The following OPRM1 variants were observed in gnomAD, a reference collection of about 807,000 sequenced individuals.
OPRM1 encodes the protein opioid receptor mu 1.
OPRM1 carries 27 observed loss-of-function variants against 31.8 expected under a neutral mutation model. The ratio of observed to expected loss-of-function variants is 0.85; its 90% CI spans 0.63 to 1.17. The LOEUF (loss-of-function observed/expected upper bound fraction) is 1.17. Ranked by LOEUF, OPRM1 falls within the 50% of genes most tolerant of loss-of-function variation. The probability of loss-of-function intolerance (pLI) is 0.00; values close to 1 mark genes in which losing one functional copy is unlikely to be tolerated. For missense variants in OPRM1, 536 were observed against 511.1 expected, an observed-to-expected ratio of 1.05 and a Z score of -0.47; for synonymous variants, 196 against 189.9, an observed-to-expected ratio of 1.03 and a Z score of -0.26.
rs1794491674 is a variant in OPRM1 at position 154,100,121 on chromosome 6, CATATTATGACATATAAT to C, written c.1164+8654_1164+8670del. On this transcript the variant is annotated intron_variant, in intron 3 of 3. Transcript: ENST00000330432. ...TTATGATATATATATTATATATTAT[CATATTATGACATATAAT>C]ATATATTATCATATTATGACGTATC... Among the ~76,000 whole-genome samples the C allele has an allele frequency of 2.5e-5, 2 of 79,028 alleles. 1 individual carries two copies. The highest frequency in any genetic ancestry group is 1.2e-4 in the African/African-American group (2 of 16,630). 51.8% of individuals were successfully genotyped at this position (79,028 alleles called of 152,430 possible). A position where few individuals can be genotyped will look rare whatever the true frequency, so the allele number is the denominator to read the frequency against.
Position 154,068,910 on chromosome 6 carries a change from A to G in OPRM1, c.291-20916A>G, listed in dbSNP as rs558246839. ...TGTAATCATCATTCCAACAGGTACAAGCTGATATCTCATTGTAGTTTTGAC... is the reference window on the plus strand; with the variant it reads ...TGTAATCATCATTCCAACAGGTACAGGCTGATATCTCATTGTAGTTTTGAC... On this transcript the variant is annotated intron_variant, in intron 1 of 3. Transcript: ENST00000330432. Among the ~76,000 whole-genome samples the G allele has an allele frequency of 4.6e-5, 7 of 152,330 alleles. No individual in the cohort carries two copies. The East Asian group carries it at 1.4e-3, about 29-fold the overall frequency.
chr6:154,164,126 T>G (rs1799240697), intron 3 of OPRM1, among the ~76,000 whole-genome samples: 1 of 152,222 alleles, frequency 6.6e-6, no homozygotes, highest in South Asian at 2.1e-4. Context: ...TAAAGAAATT[T>G]AGACATCTAC....
rs773636332 is a variant in OPRM1, at chr6:154,212,737, G to C, written c.1165-33956G>C. Reference sequence around the variant, plus strand: ...AGAAATGACATCCACATGTCTGATCGATGACCAACAGACTACTTATGTCGG... The same window carrying C: ...AGAAATGACATCCACATGTCTGATCCATGACCAACAGACTACTTATGTCGG... On this transcript the variant is annotated intron_variant, in intron 3 of 3. Transcript: ENST00000337049. 13 of 1,414,952 alleles carry C rather than the reference G, an allele frequency of 9.2e-6. No individual in the cohort carries two copies. The Admixed American group carries it at 1.9e-4, about 20-fold the overall frequency. The allele number at this position is 1,414,952 out of a possible 1,614,324, so 87.6% of individuals were successfully genotyped here.
At chr6:154,057,288 AGT>A (rs552150726) in intron 1 of OPRM1, among the ~76,000 whole-genome samples, 1 of 152,234 alleles carries the variant, frequency 6.6e-6, no homozygotes, top group Non-Finnish European at 1.5e-5. Flanking sequence ...TTCAGATATC[AGT>A]GAGCAAAATA....
rs191113559 is a variant in OPRM1, at chr6:154,124,378, G to T, written c.*5657G>T. Among the ~76,000 whole-genome samples, 1 of 152,204 alleles carries T rather than the reference G, an allele frequency of 6.6e-6. No individual in the cohort carries two copies. Reference sequence around the variant, plus strand: ...TTAATATACTTTTTCAACTCACTTTGCATTTCCTGTTACCTTGTACTGAGA... The same window carrying T: ...TTAATATACTTTTTCAACTCACTTTTCATTTCCTGTTACCTTGTACTGAGA... On this transcript the variant is annotated 3_prime_UTR_variant, in exon 4 of 4. Coordinates refer to ENST00000330432, the MANE Select transcript of OPRM1 (RefSeq NM_000914.5).
chr6:154,081,607 C>T (rs369909919), intron 1 of OPRM1, among the ~76,000 whole-genome samples: 1 of 152,152 alleles, frequency 6.6e-6, no homozygotes, highest in East Asian at 1.9e-4. Flanking sequence ...TTCACTATAA[C>T]GAGAAAATGT....
intron 3 of OPRM1, chr6:154,093,338 A>G (rs1302947247): frequency 1.2e-6 from 2 of 1,614,028 alleles, no homozygotes; most frequent in Non-Finnish European, 1.7e-6. Context: ...ACCCTGGACC[A>G]CTGCAAGGAC....
At chr6:154,145,655 A>C (rs1391602560) in intron 3 of OPRM1, among the ~76,000 whole-genome samples, 2 of 152,262 alleles carry the variant, frequency 1.3e-5, no homozygotes, top group Non-Finnish European at 2.9e-5. Context: ...ATGAAAGGGC[A>C]AGGAACTAAA....
rs1034629882 is a variant in OPRM1, at chr6:154,131,750, CT to C, written c.*13032del. On this transcript the variant is annotated 3_prime_UTR_variant, in exon 4 of 4. Coordinates refer to ENST00000330432, the MANE Select transcript of OPRM1 (RefSeq NM_000914.5). ...CAGTTGTAACAGTGAGCACAACATG[CT>C]TTCTGTGTGTGTTTTTAAGCTCTTT... Among the ~76,000 whole-genome samples the C allele has an allele frequency of 1.7e-4, 26 of 151,914 alleles. 1 individual carries two copies. The highest frequency in any genetic ancestry group is 1.2e-3 in the Admixed American group (19 of 15,266).
At chr6:154,086,421 C>A in intron 1 of OPRM1, 1 of 251,220 alleles carries the variant, frequency 4.0e-6, no homozygotes, top group African/African-American at 2.3e-5. Context: ...GATAAATATT[C>A]ACTTTTTTTT....
In OPRM1 at chr6:154,092,814, C is replaced by G. The variant is rs17181262; in HGVS notation, c.1164+1342C>G. Among the ~76,000 whole-genome samples the G allele has an allele frequency of 9.1e-3, 1,390 of 152,274 alleles. 27 individuals carry two copies. Among genetic ancestry groups the G allele is most frequent in the African/African-American group, 0.032 (1,328 of 41,542 alleles). On this transcript the variant is annotated intron_variant, in intron 3 of 3. Transcript: ENST00000330432. ...CAAGGGAACACAGGAACTCACACCCCCTAGAGAGCATGAGGTAATGATGGC... is the reference window on the plus strand; with the variant it reads ...CAAGGGAACACAGGAACTCACACCCGCTAGAGAGCATGAGGTAATGATGGC...
intron 3 of OPRM1, among the ~76,000 whole-genome samples, chr6:154,109,597 C>T (rs1341343504): frequency 1.3e-5 from 2 of 152,152 alleles, no homozygotes; most frequent in South Asian, 2.1e-4. Context: ...AGTTTTCACA[C>T]GCTCTACCAG....
chr6:154,040,463 C>T (rs879647971), intron 1 of OPRM1, among the ~76,000 whole-genome samples: 1 of 152,172 alleles, frequency 6.6e-6, no homozygotes, highest in Non-Finnish European at 1.5e-5. Flanking sequence ...AGGAAGTTTT[C>T]CTAGCATCTC....
At chr6:154,110,572 G>C in intron 3 of OPRM1, 1 of 586,206 alleles carries the variant, frequency 1.7e-6, no homozygotes, top group Non-Finnish European at 3.1e-6. Flanking sequence ...AGGAGTTTCC[G>C]AGCTCTTTTG....
At chr6:154,174,377 CA>C (rs1207390170) in intron 3 of OPRM1, among the ~76,000 whole-genome samples, 4 of 152,028 alleles carry the variant, frequency 2.6e-5, no homozygotes, top group African/African-American at 9.7e-5. Flanking sequence ...CACGGACTGG[CA>C]AATTGGATAG....
At chr6:154,233,452 T>C (rs1453636584) in intron 3 of OPRM1, among the ~76,000 whole-genome samples, 1 of 152,194 alleles carries the variant, frequency 6.6e-6, no homozygotes, top group Non-Finnish European at 1.5e-5. Context: ...TTAGCTAACA[T>C]TACCCTATGA....
chr6:154,177,251 C>G (rs1397155587), intron 3 of OPRM1, among the ~76,000 whole-genome samples: 1 of 152,302 alleles, frequency 6.6e-6, no homozygotes, highest in South Asian at 2.1e-4. Flanking sequence ...GACTAAAACA[C>G]CAAAAGCAAT....
intron 3 of OPRM1, among the ~76,000 whole-genome samples, chr6:154,177,510 T>C (rs1800440690): frequency 1.3e-5 from 2 of 152,204 alleles, no homozygotes; most frequent in Admixed American, 1.3e-4. Flanking sequence ...AAGGAAGACA[T>C]TTATGCAGCC....
chr6:154,093,638 T>C lies in OPRM1; in HGVS notation c.1164+2166T>C. The stretch of plus-strand genomic sequence containing the variant: ...GGCCTTATCTTCATCGCTGCCTCTA[T>C]GAAGCAGTATCAGTGTAAGATAACA... On this transcript the variant is annotated intron_variant, in intron 3 of 3. Transcript: ENST00000330432. The C allele has an allele frequency of 2.8e-6, 3 of 1,064,568 alleles. No homozygotes were observed. The South Asian group carries it at 5.1e-5, about 18-fold the overall frequency. 65.9% of individuals were successfully genotyped at this position (1,064,568 alleles called of 1,614,324 possible).
Sources: gnomAD v4.1 joint callset for allele counts (sites outside exome capture counted in the v4.1 genomes callset) on GRCh38, gnomAD v4.1.1 for gene constraint, MANE v1.5 for transcripts, NCBI Gene and HGNC (gene_info 2026-07-23, HGNC 2026-07-21) for gene names.